The following ZNF831 variants were observed in gnomAD, a reference collection of about 807,000 sequenced individuals.
ZNF831 encodes zinc finger protein 831.
Under a neutral mutation model 95.8 loss-of-function variants are expected in ZNF831, and 59 were observed. The observed-to-expected ratio is 0.62, with a 90% confidence interval of 0.50 to 0.77. The LOEUF (loss-of-function observed/expected upper bound fraction) is 0.77. Ranked by LOEUF, ZNF831 falls within the 30% of genes least tolerant of loss-of-function variation. The pLI, the probability that ZNF831 is intolerant of heterozygous loss-of-function variation, is 0.00. For missense variants in ZNF831, 2,205 were observed against 2,164.0 expected (o/e 1.02, Z -0.38); for synonymous variants, 961 against 925.5 (o/e 1.04, Z -0.70).
At position 59,235,362 on chromosome 20, in the gene ZNF831, T is replaced by C. The variant is rs368531259; in HGVS notation, c.4028-17616T>C. Among the ~76,000 whole-genome samples, 4 of 152,310 alleles carry C rather than the reference T, an allele frequency of 2.6e-5. No homozygotes were observed. The East Asian group carries it at 7.7e-4, about 29-fold the overall frequency. ...TTCTCTGCCAAAAGTATCTGGTACC[T>C]GCCTCATCTCTCTGCTGCTGCATGC... On this transcript the variant is annotated intron_variant, in intron 4 of 5. Transcript: ENST00000371030.
chr20:59,192,035 G>T lies in ZNF831; in HGVS notation c.1016G>T (p.Cys339Phe). Residue 339 changes from cysteine to phenylalanine, a missense_variant, in exon 2 of 6, where the codon TGT (cysteine) becomes TTT (phenylalanine). Physicochemically the swap from Cys to Phe is radical, Grantham distance 205. Transcript: ENST00000371030. This position sits in a 1 kb window ranked among gnomAD's most constrained non-coding sequence, Gnocchi z 5.2. ...GCCCCCGAGGGCCGGCTGCGGAAGT[G>T]TGAGAGCACCGACTCGGGGTACCTG... ...AKAPEGRLRK[C>F]ESTDSGYLSR... 6.2e-7 allele frequency: 1 copy of T among 1,609,008 alleles called. No individual in the cohort carries two copies.
intron 1 of ZNF831, among the ~76,000 whole-genome samples, chr20:59,127,427 G>A (rs1026272800): frequency 2.0e-5 from 3 of 152,084 alleles, no homozygotes; most frequent in Admixed American, 6.6e-5. Context: ...TCTCACTTGG[G>A]GTAAAGTCCC....
intron 1 of ZNF831, among the ~76,000 whole-genome samples, chr20:59,180,607 G>A (rs1328757500): frequency 1.3e-5 from 2 of 151,896 alleles, no homozygotes; most frequent in Non-Finnish European, 2.9e-5. Context: ...TCCCACTTAT[G>A]AGTGAGAACA....
rs568405241 is a variant in ZNF831, at chr20:59,128,265, A to G, written c.-1425+4760A>G. ...ATCAGGTATAATTACATATGGTAAA[A>G]TGTACAGACCAGGTGTTTACTTTGA... On this transcript the variant is annotated intron_variant, in intron 1 of 7. Transcript: ENST00000637017. Among the ~76,000 whole-genome samples, 3 of 152,352 alleles carry G rather than the reference A, an allele frequency of 2.0e-5. No individual in the cohort carries two copies. The East Asian group carries it at 5.8e-4, about 29-fold the overall frequency.
At chr20:59,151,485 G>A (rs1980233820) in intron 2 of ZNF831, among the ~76,000 whole-genome samples, 1 of 152,108 alleles carries the variant, frequency 6.6e-6, no homozygotes, top group African/African-American at 2.4e-5. Context: ...CATGTGCCTG[G>A]GGCTCTTGTT....
At chr20:59,141,198 C>T (rs956093552) in intron 1 of ZNF831, among the ~76,000 whole-genome samples, 2 of 152,112 alleles carry the variant, frequency 1.3e-5, no homozygotes, top group Non-Finnish European at 2.9e-5. Context: ...TGGCACCCAG[C>T]CAGTTTTTAA....
rs1255197594 is a variant in ZNF831 at position 59,256,310 on chromosome 20, A to G, written c.*1567A>G. On this transcript the variant is annotated 3_prime_UTR_variant, in exon 6 of 6. Coordinates refer to ENST00000371030, the MANE Select transcript of ZNF831 (RefSeq NM_178457.3). ...TAGCATATATTTGTGACCATTTCAT[A>G]TGCACTCATAAATATCCAAGGATTT... 1 of 152,230 alleles carries G rather than the reference A, an allele frequency of 6.6e-6. No homozygotes were observed. The allele number at this position is 152,230 out of a possible 1,614,324, so 9.4% of individuals were successfully genotyped here.
At chr20:59,196,852 A>G (rs552665073) in intron 3 of ZNF831, among the ~76,000 whole-genome samples, 44 of 151,520 alleles carry the variant, frequency 2.9e-4, no homozygotes, top group Admixed American at 4.6e-4. Flanking sequence ...ATCTCGGCTC[A>G]CTGTAACCTC....
chr20:59,145,834 A>G (rs1399083037), intron 1 of ZNF831, among the ~76,000 whole-genome samples: 2 of 152,194 alleles, frequency 1.3e-5, no homozygotes, highest in Non-Finnish European at 2.9e-5. Context: ...TGGTCGGAAA[A>G]GAGGGGACCA....
chr20:59,160,654 TG>T (rs1222893416), upstream of ZNF831: 1 of 152,294 alleles, frequency 6.6e-6, no homozygotes, highest in Non-Finnish European at 1.5e-5. Flanking sequence ...AGGGTGTCCC[TG>T]CTCCTCCTGA....
chr20:59,172,646 C>T (rs913670835), intron 1 of ZNF831, among the ~76,000 whole-genome samples: 11 of 152,142 alleles, frequency 7.2e-5, no homozygotes, highest in Admixed American at 7.2e-4. Context: ...GCATTCCGGC[C>T]TCACTAAATG....
intron 4 of ZNF831, among the ~76,000 whole-genome samples, chr20:59,232,626 C>G (rs1165732998): frequency 6.6e-6 from 1 of 152,052 alleles, no homozygotes; most frequent in Non-Finnish European, 1.5e-5. Context: ...GAAAAATAGT[C>G]AATGGTATAA....
intron 4 of ZNF831, among the ~76,000 whole-genome samples, chr20:59,231,158 T>G (rs1986699712): frequency 1.3e-5 from 2 of 152,324 alleles, no homozygotes; most frequent in South Asian, 4.1e-4. Context: ...CTCATATCGC[T>G]TTAGCCAGAA....
intron 1 of ZNF831, among the ~76,000 whole-genome samples, chr20:59,142,135 C>G (rs543952497): frequency 2.0e-4 from 30 of 152,154 alleles, no homozygotes; most frequent in Admixed American, 3.3e-4. Context: ...CTAAGTGAAC[C>G]AATCAGATCC....
At chr20:59,213,223 C>T (rs1393777811) in intron 4 of ZNF831, among the ~76,000 whole-genome samples, 2 of 152,158 alleles carry the variant, frequency 1.3e-5, no homozygotes, top group Admixed American at 6.5e-5. Context: ...CTCATCAATA[C>T]TTGACTACGT....
rs182934723 is a variant in ZNF831, at chr20:59,141,391, G to C, written c.-1424-4840G>C. Among the ~76,000 whole-genome samples, 1,366 of 152,270 alleles carry C rather than the reference G, an allele frequency of 9.0e-3. 15 individuals carry two copies. The highest frequency in any genetic ancestry group is 9.9e-3 in the Non-Finnish European group (675 of 68,022). On this transcript the variant is annotated intron_variant, in intron 1 of 7. Coordinates refer to the ZNF831 transcript ENST00000637017. Reference sequence around the variant, plus strand: ...TTGAATTACTTTTTGTATAAGGTGTGAGGTGTAGAATAGATTTTTCTTTTC... The same window carrying C: ...TTGAATTACTTTTTGTATAAGGTGTCAGGTGTAGAATAGATTTTTCTTTTC...
chr20:59,220,292 G>T lies in ZNF831; in HGVS notation c.4027+13236G>T, dbSNP rs148995383. 2.6e-4 allele frequency among the ~76,000 whole-genome samples: 40 copies of T among 152,292 alleles called. No homozygotes were observed. In the East Asian group the frequency reaches 7.0e-3, roughly 26 times the overall value. On this transcript the variant is annotated intron_variant, in intron 4 of 5. Coordinates refer to ENST00000371030, the MANE Select transcript of ZNF831 (RefSeq NM_178457.3). ...ACAGGCTACAAATGGGACACAAAAGGCAAGACTCACTCTCAACAAAATCAC... is the reference window on the plus strand; with the variant it reads ...ACAGGCTACAAATGGGACACAAAAGTCAAGACTCACTCTCAACAAAATCAC...
intron 1 of ZNF831, among the ~76,000 whole-genome samples, chr20:59,129,869 C>T (rs778349171): frequency 2.6e-5 from 4 of 152,220 alleles, no homozygotes; most frequent in African/African-American, 9.7e-5. Context: ...ATCCCATGCT[C>T]GTTCCTCCTT....
chr20:59,211,804 T>C (rs1434996834), intron 4 of ZNF831, among the ~76,000 whole-genome samples: 1 of 152,052 alleles, frequency 6.6e-6, no homozygotes, highest in Non-Finnish European at 1.5e-5. Flanking sequence ...TGTGTGTGTG[T>C]GTGTTTGCTC....
Sources: allele counts gnomAD v4.1 joint callset (sites outside exome capture counted in the v4.1 genomes callset), GRCh38; gene constraint gnomAD v4.1.1; non-coding constraint Gnocchi (gnomAD v3.1); transcripts MANE v1.5; gene names NCBI Gene and HGNC (gene_info 2026-07-23, HGNC 2026-07-21).